Variants in GRIK2 observed in about 807,000 individuals in gnomAD.
The protein encoded by GRIK2 is glutamate receptor ionotropic, kainate 2.
GRIK2 carries 32 observed loss-of-function variants against 100.3 expected under a neutral mutation model. The observed-to-expected ratio is 0.32, with a 90% CI of 0.24 to 0.43. The LOEUF is 0.43. Among genes scored for constraint, GRIK2 ranks in the 20% least tolerant of loss-of-function variants. The pLI, the probability that GRIK2 is intolerant of heterozygous loss-of-function variation, is 1.00. For synonymous variants in GRIK2, 417 were observed against 389.4 expected, an observed-to-expected ratio of 1.07 and a Z score of -0.83; for missense variants, 843 against 1,114.9, an observed-to-expected ratio of 0.76 and a Z score of 3.47.
In GRIK2 at chr6:101,691,131, T is replaced by TATATCATTATATATGTA. The variant is rs578079019; in HGVS notation, c.951+4780_951+4781insATCATTATATATGTAAT. ...GATTGAATAAATGCATTTGTTAATT[T>TATATCATTATATATGTA]ATTTTAATCATATTACATCTGTGTT... On this transcript the variant is annotated intron_variant, in intron 7 of 16. Coordinates refer to ENST00000369134, the MANE Select transcript of GRIK2 (RefSeq NM_021956.5). Among the ~76,000 whole-genome samples, 378 of 152,274 alleles carry TATATCATTATATATGTA rather than the reference T, an allele frequency of 2.5e-3. 6 individuals carry two copies. Among genetic ancestry groups the TATATCATTATATATGTA allele is most frequent in the African/African-American group, 8.8e-3 (366 of 41,562 alleles).
chr6:101,858,657 G>T (rs1432622286), intron 10 of GRIK2, among the ~76,000 whole-genome samples: 1 of 151,870 alleles, frequency 6.6e-6, no homozygotes, highest in Non-Finnish European at 1.5e-5. Context: ...CCAAAGTGCT[G>T]GGATTACAGG....
At position 102,064,094 on chromosome 6, in the gene GRIK2, A is replaced by G. The variant is rs1051426497; in HGVS notation, c.2563-4253A>G. 3.5e-5 allele frequency: 29 copies of G among 819,622 alleles called. No individual in the cohort carries two copies. In the Middle Eastern group the frequency reaches 6.8e-4, roughly 19 times the overall value. 50.8% of individuals were successfully genotyped at this position (819,622 alleles called of 1,614,324 possible). On this transcript the variant is annotated intron_variant, in intron 16 of 16. Coordinates refer to ENST00000369134, the MANE Select transcript of GRIK2 (RefSeq NM_021956.5). ...CTTTTTTCTTTTTGTAGTCTGTTAT[A>G]TTAATGTGGAGAAACATTTTTATTG...
chr6:101,526,180 A>G (rs1037231111), intron 2 of GRIK2, among the ~76,000 whole-genome samples: 2 of 152,188 alleles, frequency 1.3e-5, no homozygotes, highest in African/African-American at 2.4e-5. Context: ...TTCAATTCAG[A>G]AAAGAAAAAA....
intron 14 of GRIK2, among the ~76,000 whole-genome samples, chr6:102,028,877 A>C (rs553316939): frequency 2.8e-4 from 42 of 151,240 alleles, no homozygotes; most frequent in Non-Finnish European, 5.2e-4. Flanking sequence ...AGGAAAGAAA[A>C]ATATTTTAAC....
intron 14 of GRIK2, among the ~76,000 whole-genome samples, chr6:102,032,445 G>T (rs1770050368): frequency 6.6e-6 from 1 of 151,202 alleles, no homozygotes; most frequent in African/African-American, 2.4e-5. Flanking sequence ...TTAAGATGGG[G>T]CCTGGAGGTC....
chr6:101,991,863 G>A (rs1794394684), intron 14 of GRIK2, among the ~76,000 whole-genome samples: 2 of 151,208 alleles, frequency 1.3e-5, no homozygotes, highest in South Asian at 4.1e-4. Flanking sequence ...ATGCTTTTGG[G>A]GAATAAGAAA....
chr6:101,666,104 A>G (rs1770009451), intron 4 of GRIK2, among the ~76,000 whole-genome samples: 1 of 152,078 alleles, frequency 6.6e-6, no homozygotes, highest in Non-Finnish European at 1.5e-5. Flanking sequence ...CCCAAAGATT[A>G]CTCTCAAGTT....
chr6:101,539,571 TAGTA>T (rs1775885890), intron 2 of GRIK2, among the ~76,000 whole-genome samples: 1 of 151,830 alleles, frequency 6.6e-6, no homozygotes, highest in South Asian at 2.1e-4. Flanking sequence ...GGGATAGTAG[TAGTA>T]AGTAACAGAC....
chr6:101,594,672 C>A (rs1327213474), intron 2 of GRIK2, among the ~76,000 whole-genome samples: 1 of 151,816 alleles, frequency 6.6e-6, no homozygotes, highest in East Asian at 1.9e-4. Flanking sequence ...CAAGTTGGCT[C>A]TTGGTAGCTT....
chr6:102,057,145 A>T (rs2114510057), intron 16 of GRIK2, among the ~76,000 whole-genome samples: 1 of 151,922 alleles, frequency 6.6e-6, no homozygotes, highest in East Asian at 1.9e-4. Flanking sequence ...TATTTAAGGC[A>T]TTAATGTGTA....
chr6:101,624,624 A>G (rs1189059710), intron 3 of GRIK2, among the ~76,000 whole-genome samples: 2 of 152,194 alleles, frequency 1.3e-5, no homozygotes, highest in African/African-American at 4.8e-5. Flanking sequence ...TTGAGTCTGA[A>G]CACCTAATTT....
intron 2 of GRIK2, among the ~76,000 whole-genome samples, chr6:101,602,890 T>C (rs1446580602): frequency 6.6e-6 from 1 of 151,698 alleles, no homozygotes; most frequent in Non-Finnish European, 1.5e-5. Context: ...ATTTGCATCA[T>C]ATTAGTCATA....
chr6:101,393,797 C>A lies in GRIK2; in HGVS notation c.-334C>A, dbSNP rs574429436. 6.6e-6 allele frequency among the ~76,000 whole-genome samples: 1 copy of A among 151,968 alleles called. No individual in the cohort carries two copies. Among genetic ancestry groups the A allele is most frequent in the Non-Finnish European group, 1.5e-5 (1 of 67,974 alleles). On this transcript the variant is annotated 5_prime_UTR_variant, in exon 1 of 17. Coordinates refer to ENST00000369134, the MANE Select transcript of GRIK2 (RefSeq NM_021956.5). ...TCCTCCGGCTGCTCCTCCCCGAGGA[C>A]CACCCCACCCCCTCCCCGCCCACCT...
At chr6:101,424,751 G>A (rs1237306118) in intron 2 of GRIK2, among the ~76,000 whole-genome samples, 5 of 149,584 alleles carry the variant, frequency 3.3e-5, no homozygotes, top group African/African-American at 4.9e-5. Context: ...GGAGTGTGAT[G>A]TTCCCCTTCC....
intron 4 of GRIK2, among the ~76,000 whole-genome samples, chr6:101,665,830 G>A (rs1027309473): frequency 6.6e-6 from 1 of 152,134 alleles, no homozygotes; most frequent in African/African-American, 2.4e-5. Flanking sequence ...CATCAAAGGT[G>A]ACACCTCTAT....
chr6:101,543,607 G>A (rs1170188645), intron 2 of GRIK2, among the ~76,000 whole-genome samples: 1 of 152,100 alleles, frequency 6.6e-6, no homozygotes, highest in Non-Finnish European at 1.5e-5. Context: ...ACTGTATAAA[G>A]GCCTGGCCTC....
At chr6:101,474,064 T>A (rs1772095148) in intron 2 of GRIK2, among the ~76,000 whole-genome samples, 1 of 151,822 alleles carries the variant, frequency 6.6e-6, no homozygotes, top group African/African-American at 2.4e-5. Flanking sequence ...GAATCCCATA[T>A]TAATGCTCTC....
chr6:101,870,187 A>T (rs561611804), intron 11 of GRIK2, among the ~76,000 whole-genome samples: 1 of 151,938 alleles, frequency 6.6e-6, no homozygotes, highest in African/African-American at 2.4e-5. Flanking sequence ...CAACATTTAG[A>T]TTTAAAATAT....
At chr6:101,506,002 T>C (rs995901643) in intron 2 of GRIK2, among the ~76,000 whole-genome samples, 6 of 152,124 alleles carry the variant, frequency 3.9e-5, no homozygotes, top group South Asian at 2.1e-4. Context: ...AAAATATAAA[T>C]CTTTTTGAGT....
Sources: gnomAD v4.1 joint callset for allele counts (sites outside exome capture counted in the v4.1 genomes callset) on GRCh38, gnomAD v4.1.1 for gene constraint, MANE v1.5 for transcripts, NCBI Gene and HGNC (gene_info 2026-07-23, HGNC 2026-07-21) for gene names.